EDA: variants seen among roughly 807,000 people sequenced by gnomAD.
The protein encoded by EDA is ectodysplasin A.
EDA carries 2 observed loss-of-function variants against 23.6 expected under a neutral mutation model. The observed-to-expected ratio is 0.08, with a 90% CI of 0.03 to 0.27. The LOEUF is 0.27. EDA is among the 10% of genes least tolerant of loss of function. The pLI is 1.00. For missense variants in EDA, 229 were observed against 324.2 expected, an observed-to-expected ratio of 0.71 and a Z score of 2.26; for synonymous variants, 131 against 132.0, an observed-to-expected ratio of 0.99 and a Z score of 0.05.
At position 70,020,285 on chromosome X, in the gene EDA, C is replaced by T. The variant is rs191226215; in HGVS notation, c.503-2933C>T. Among the ~76,000 whole-genome samples, 297 of 111,775 alleles carry T rather than the reference C, an allele frequency of 2.7e-3. 1 individual carries two copies. The highest frequency in any genetic ancestry group is 8.8e-3 in the African/African-American group (271 of 30,794). ...AAATGTACATATGTGGGGCCGGGTG[C>T]AGTGGCTCACGCCTGTAATCCCAGC... On this transcript the variant is annotated intron_variant, in intron 2 of 7. Coordinates refer to ENST00000374552, the MANE Select transcript of EDA (RefSeq NM_001399.5).
At chrX:69,697,123 C>T (rs766612486) in intron 1 of EDA, among the ~76,000 whole-genome samples, 1 of 111,793 alleles carries the variant, frequency 8.9e-6, no homozygotes, top group African/African-American at 3.2e-5. Context: ...TTAATGAGCG[C>T]CTGGGTGCAG....
chrX:70,027,709 G>C (rs3764745), intron 3 of EDA, 148 bp from the exon 4 acceptor site: 1 of 438,979 alleles, frequency 2.3e-6, no homozygotes, highest in Admixed American at 3.7e-5. Flanking sequence ...TGTAATCCCA[G>C]TTACTCCAGA....
At chrX:69,918,741 T>A (rs1480240672) in intron 1 of EDA, among the ~76,000 whole-genome samples, 4 of 111,493 alleles carry the variant, frequency 3.6e-5, no homozygotes, top group Non-Finnish European at 3.8e-5. Context: ...TCTGGGAAAA[T>A]TAAACCTAGG....
intron 1 of EDA, among the ~76,000 whole-genome samples, chrX:69,718,972 T>C (rs752307832): frequency 8.9e-6 from 1 of 111,966 alleles, no homozygotes; most frequent in East Asian, 2.8e-4. Flanking sequence ...GATTGAATTA[T>C]TTTGATAGTT....
At chrX:69,799,851 C>G (rs1334423764) in intron 1 of EDA, among the ~76,000 whole-genome samples, 1 of 109,054 alleles carries the variant, frequency 9.2e-6, no homozygotes, top group Non-Finnish European at 1.9e-5. Context: ...ACCATATGAT[C>G]TAGCAATCCC....
At chrX:69,767,529 G>A (rs1453789022) in intron 1 of EDA, among the ~76,000 whole-genome samples, 1 of 110,948 alleles carries the variant, frequency 9.0e-6, no homozygotes, top group Non-Finnish European at 1.9e-5. Context: ...CATCCATGCT[G>A]TCATGTATAT....
At chrX:69,769,070 A>T (rs2147424609) in intron 1 of EDA, among the ~76,000 whole-genome samples, 1 of 111,461 alleles carries the variant, frequency 9.0e-6, no homozygotes, top group African/African-American at 3.3e-5. Context: ...TGCATTTTTT[A>T]AAATTTGTTG....
At chrX:69,713,675 C>A (rs146761868) in intron 1 of EDA, among the ~76,000 whole-genome samples, 1,567 of 111,682 alleles carry the variant, frequency 0.014, 20 homozygotes, top group African/African-American at 0.046. Flanking sequence ...GGAATCCATC[C>A]AAATTGTTGT....
intron 1 of EDA, among the ~76,000 whole-genome samples, chrX:69,641,772 G>T (rs188241920): frequency 2.2e-4 from 24 of 111,407 alleles, no homozygotes; most frequent in East Asian, 8.5e-4. Flanking sequence ...AATTATGTTA[G>T]GACTCTCATG....
At chrX:69,636,036 C>G (rs958747460) in intron 1 of EDA, among the ~76,000 whole-genome samples, 3 of 110,732 alleles carry the variant, frequency 2.7e-5, no homozygotes, top group African/African-American at 6.6e-5. Context: ...CCTGTCACTG[C>G]ACTTAACTAT....
At chrX:69,793,726 A>G (rs1034656183) in intron 1 of EDA, among the ~76,000 whole-genome samples, 11 of 110,128 alleles carry the variant, frequency 1.0e-4, no homozygotes, top group Non-Finnish European at 1.7e-4. Flanking sequence ...CCTTTCTCAG[A>G]ATCAAAACTA....
In EDA at chrX:69,663,837, G is replaced by A. The variant is rs944643121; in HGVS notation, c.396+47133G>A. Among the ~76,000 whole-genome samples the A allele has an allele frequency of 3.5e-5, 4 of 112,710 alleles. No homozygotes were observed. The South Asian group carries it at 1.5e-3, about 41-fold the overall frequency. ...CCTCTTGCATCAGCGTTACCTGGAT[G>A]TGAGACATGGAATTCAAAGGAGATA... is the stretch of plus-strand genomic sequence containing the variant. On this transcript the variant is annotated intron_variant, in intron 1 of 7. Transcript: ENST00000374552.
At chrX:69,658,891 C>T (rs1398248891) in intron 1 of EDA, among the ~76,000 whole-genome samples, 1 of 111,506 alleles carries the variant, frequency 9.0e-6, no homozygotes, top group African/African-American at 3.3e-5. Context: ...ACCATTTTCA[C>T]TTACAGGAAC....
chrX:69,842,457 C>T (rs1569352291), intron 1 of EDA, among the ~76,000 whole-genome samples: 2 of 111,688 alleles, frequency 1.8e-5, no homozygotes, highest in African/African-American at 6.5e-5. Context: ...AAACCATCTC[C>T]CCACCCCAGT....
chrX:69,671,023 C>A (rs1218088124), intron 1 of EDA, among the ~76,000 whole-genome samples: 2 of 111,221 alleles, frequency 1.8e-5, no homozygotes, highest in Non-Finnish European at 3.8e-5. Context: ...GATGGCTGTG[C>A]ATCAGTTGGT....
intron 1 of EDA, among the ~76,000 whole-genome samples, chrX:69,739,700 A>G (rs1394424322): frequency 9.0e-6 from 1 of 111,025 alleles, no homozygotes; most frequent in Non-Finnish European, 1.9e-5. Context: ...GTCTTAATTT[A>G]TCATGATCTA....
At chrX:69,703,535 G>C (rs1030608766) in intron 1 of EDA, among the ~76,000 whole-genome samples, 10 of 112,459 alleles carry the variant, frequency 8.9e-5, no homozygotes, top group African/African-American at 3.2e-4. Flanking sequence ...ATGAGCGCCT[G>C]GGTGCAGACG....
chrX:69,798,028 T>C (rs2015584116), intron 1 of EDA, among the ~76,000 whole-genome samples: 1 of 111,613 alleles, frequency 9.0e-6, no homozygotes, highest in South Asian at 3.7e-4. Flanking sequence ...TAGCTATACT[T>C]ATAGCAAATA....
intron 2 of EDA, among the ~76,000 whole-genome samples, chrX:69,970,625 G>A (rs5980674): frequency 0.45 from 49,530 of 110,109 alleles, 8,221 homozygotes; most frequent in East Asian, 0.69. Context: ...TTGGGACCAA[G>A]CTTCCCTGTA....
Sources: allele counts gnomAD v4.1 joint callset (sites outside exome capture counted in the v4.1 genomes callset), GRCh38; gene constraint gnomAD v4.1.1; transcripts MANE v1.5; gene names NCBI Gene and HGNC (gene_info 2026-07-23, HGNC 2026-07-21).